Variants in GRIK2 observed in about 807,000 individuals in gnomAD.
GRIK2 encodes the protein glutamate receptor ionotropic, kainate 2.
GRIK2 carries 32 observed loss-of-function variants against 100.3 expected under a neutral mutation model. That is an observed-to-expected ratio of 0.32 (90% confidence interval 0.24 to 0.43). GRIK2 has a LOEUF of 0.43. Among genes scored for constraint, GRIK2 ranks in the 20% least tolerant of loss-of-function variants. The pLI, the probability that GRIK2 is intolerant of heterozygous loss-of-function variation, is 1.00. For synonymous variants in GRIK2, 417 were observed against 389.4 expected, an observed-to-expected ratio of 1.07 and a Z score of -0.83; for missense variants, 843 against 1,114.9, an observed-to-expected ratio of 0.76 and a Z score of 3.47.
intron 14 of GRIK2, among the ~76,000 whole-genome samples, chr6:101,975,914 A>G (rs1793353382): frequency 6.6e-6 from 1 of 151,844 alleles, no homozygotes; most frequent in Admixed American, 6.6e-5. Context: ...TAAATTATGA[A>G]AGAGCAAGGA....
chr6:101,682,680 A>T, intron 6 of GRIK2, 74 bp downstream of exon 6: 1 of 708,290 alleles, frequency 1.4e-6, no homozygotes, highest in East Asian at 2.6e-5. Flanking sequence ...TAGGTTTTTT[A>T]GTAAGAAGTA....
intron 12 of GRIK2, among the ~76,000 whole-genome samples, chr6:101,923,018 A>G (rs1253443770): frequency 6.6e-6 from 1 of 152,134 alleles, no homozygotes; most frequent in Non-Finnish European, 1.5e-5. Flanking sequence ...TCTTCAATCA[A>G]CCTTTCTGTT....
At chr6:101,449,743 T>C (rs1170248784) in intron 2 of GRIK2, among the ~76,000 whole-genome samples, 2 of 151,710 alleles carry the variant, frequency 1.3e-5, no homozygotes, top group Non-Finnish European at 3.0e-5. Flanking sequence ...CTATATAGCT[T>C]GGTGTTGATG....
At chr6:101,452,966 A>G (rs925892786) in intron 2 of GRIK2, among the ~76,000 whole-genome samples, 2 of 151,870 alleles carry the variant, frequency 1.3e-5, no homozygotes, top group African/African-American at 2.4e-5. Flanking sequence ...GTAACTTTGC[A>G]TCTTTCAGTT....
chr6:101,802,117 A>T (rs1207715333), intron 8 of GRIK2, among the ~76,000 whole-genome samples: 1 of 151,924 alleles, frequency 6.6e-6, no homozygotes, highest in Non-Finnish European at 1.5e-5. Context: ...AATGCATTGT[A>T]TAAAATGAAA....
chr6:101,700,383 A>G (rs1039823816), intron 7 of GRIK2, among the ~76,000 whole-genome samples: 1 of 152,032 alleles, frequency 6.6e-6, no homozygotes, highest in Non-Finnish European at 1.5e-5. Context: ...ATAAATATAA[A>G]CATAAAATAG....
chr6:101,901,277 A>T (rs1787829496), intron 12 of GRIK2, among the ~76,000 whole-genome samples: 1 of 151,960 alleles, frequency 6.6e-6, no homozygotes. Context: ...TGATTGGACA[A>T]TTGGGTGTTT....
At chr6:101,798,678 T>C (rs1426513299) in intron 7 of GRIK2, among the ~76,000 whole-genome samples, 7 of 151,922 alleles carry the variant, frequency 4.6e-5, no homozygotes, top group Non-Finnish European at 1.5e-5. Flanking sequence ...AGAGGAAATA[T>C]ATGCTTTTAT....
At chr6:101,859,203 T>G in intron 10 of GRIK2, 84 bp from the exon 11 acceptor site, 1 of 671,096 alleles carries the variant, frequency 1.5e-6, no homozygotes. Flanking sequence ...TGAGAAAATT[T>G]CTGTCTTCTA....
chr6:101,644,244 G>A (rs1781417621), intron 4 of GRIK2, among the ~76,000 whole-genome samples: 1 of 151,820 alleles, frequency 6.6e-6, no homozygotes, highest in South Asian at 2.1e-4. Flanking sequence ...TGAAATCAAG[G>A]AGATCCAGTT....
At chr6:101,543,600 G>A (rs1776104236) in intron 2 of GRIK2, among the ~76,000 whole-genome samples, 1 of 152,132 alleles carries the variant, frequency 6.6e-6, no homozygotes, top group Non-Finnish European at 1.5e-5. Context: ...ATATGGTACT[G>A]TATAAAGGCC....
At chr6:101,764,139 A>G (rs1003602717) in intron 7 of GRIK2, among the ~76,000 whole-genome samples, 2 of 152,050 alleles carry the variant, frequency 1.3e-5, no homozygotes, top group Non-Finnish European at 2.9e-5. Flanking sequence ...ATGTCAGAGA[A>G]TCTCAGGGCT....
chr6:101,966,549 G>A (rs1368554163), intron 14 of GRIK2, among the ~76,000 whole-genome samples: 2 of 152,010 alleles, frequency 1.3e-5, no homozygotes, highest in African/African-American at 4.8e-5. Flanking sequence ...GATATGTTGA[G>A]GACCTGAATG....
intron 10 of GRIK2, among the ~76,000 whole-genome samples, chr6:101,849,011 T>C (rs1172426398): frequency 2.6e-5 from 4 of 152,042 alleles, no homozygotes; most frequent in Admixed American, 1.3e-4. Flanking sequence ...ATGAAAATTT[T>C]ATCTAATAAA....
intron 4 of GRIK2, among the ~76,000 whole-genome samples, chr6:101,645,410 G>GA (rs1180789071): frequency 1.3e-5 from 2 of 151,716 alleles, no homozygotes; most frequent in East Asian, 3.9e-4. Context: ...TCTTAAGTGG[G>GA]AAACTACAAT....
intron 14 of GRIK2, among the ~76,000 whole-genome samples, chr6:101,970,698 A>T (rs1792991952): frequency 2.0e-5 from 3 of 150,998 alleles, no homozygotes; most frequent in African/African-American, 7.4e-5. Flanking sequence ...ATATTTACAG[A>T]TGTGAACATC....
chr6:101,747,733 A>C (rs1307319741), intron 7 of GRIK2, among the ~76,000 whole-genome samples: 2 of 152,218 alleles, frequency 1.3e-5, no homozygotes, highest in African/African-American at 4.8e-5. Flanking sequence ...TGGATGACTT[A>C]AATTATATCA....
At chr6:101,473,957 T>G (rs1320279841) in intron 2 of GRIK2, among the ~76,000 whole-genome samples, 1 of 151,906 alleles carries the variant, frequency 6.6e-6, no homozygotes, top group African/African-American at 2.4e-5. Flanking sequence ...ATATGATTTT[T>G]AAAAAACCTG....
intron 2 of GRIK2, among the ~76,000 whole-genome samples, chr6:101,579,546 T>C (rs1159253775): frequency 6.6e-6 from 1 of 152,040 alleles, no homozygotes; most frequent in African/African-American, 2.4e-5. Context: ...AGTCTATCTT[T>C]CTAACAGTTT....
Sources: allele counts gnomAD v4.1 joint callset (sites outside exome capture counted in the v4.1 genomes callset), GRCh38; gene constraint gnomAD v4.1.1; transcripts MANE v1.5; gene names NCBI Gene and HGNC (gene_info 2026-07-23, HGNC 2026-07-21).